ARHGEF10: variants seen among roughly 807,000 people sequenced by gnomAD.
ARHGEF10 encodes the protein Rho guanine nucleotide exchange factor (GEF) 10.
ARHGEF10 carries 140 observed loss-of-function variants against 147.4 expected under a neutral mutation model. That is an observed-to-expected ratio of 0.95 (90% CI 0.83 to 1.09). The LOEUF (loss-of-function observed/expected upper bound fraction) is 1.09, where lower values mean the gene tolerates loss of function less well. Ranked by LOEUF, ARHGEF10 falls within the 50% of genes least tolerant of loss-of-function variation. The pLI is 0.00. For missense variants in ARHGEF10, 2,222 were observed against 1,752.7 expected (o/e 1.27, Z -4.78); for synonymous variants, 902 against 695.8 (o/e 1.30, Z -4.67).
intron 11 of ARHGEF10, among the ~76,000 whole-genome samples, chr8:1,892,837 T>A (rs975536247): frequency 6.6e-6 from 1 of 152,186 alleles, no homozygotes; most frequent in African/African-American, 2.4e-5. Context: ...GGAAGTACAA[T>A]GATCACTAGC....
At chr8:1,893,740 A>G (rs772099422) in intron 12 of ARHGEF10, 94 bp downstream of exon 12, 8 of 1,050,202 alleles carry the variant, frequency 7.6e-6, no homozygotes, top group Non-Finnish European at 1.0e-5. Flanking sequence ...ATATATGTTT[A>G]TGAAACATAA....
chr8:1,847,971 G>C (rs956664382), intron 2 of ARHGEF10, among the ~76,000 whole-genome samples: 1 of 152,154 alleles, frequency 6.6e-6, no homozygotes. Context: ...TCATGGACTT[G>C]GAACAGTCAG....
Position 1,850,529 on chromosome 8 carries a change from T to C in ARHGEF10, c.37+7093T>C, listed in dbSNP as rs538630474. ...CCGCGTGGACACAGATGGCAAATGC[T>C]GAGGAGGGCGTGGGGCAGCTGCGTG... On this transcript the variant is annotated intron_variant, in intron 2 of 28. Coordinates refer to ENST00000349830, the MANE Select transcript of ARHGEF10 (RefSeq NM_014629.4). Among the ~76,000 whole-genome samples the C allele has an allele frequency of 1.9e-3, 279 of 149,736 alleles. 1 individual carries two copies. The highest frequency in any genetic ancestry group is 6.7e-3 in the African/African-American group (271 of 40,340).
chr8:1,849,975 C>T lies in ARHGEF10; in HGVS notation c.37+6539C>T, dbSNP rs1386630363. Among the ~76,000 whole-genome samples, 250 of 109,274 alleles carry T rather than the reference C, an allele frequency of 2.3e-3. 2 individuals are homozygous for T. Among genetic ancestry groups the T allele is most frequent in the African/African-American group, 9.1e-3 (232 of 25,486 alleles). 71.7% of individuals were successfully genotyped at this position (109,274 alleles called of 152,430 possible). On this transcript the variant is annotated intron_variant, in intron 2 of 28. Transcript: ENST00000349830. ...GGCAAATGCTGAGGAGGGCGTGGGCCGGCTGCATGGACACAGAGGGCAAAT... is the reference window on the plus strand; with the variant it reads ...GGCAAATGCTGAGGAGGGCGTGGGCTGGCTGCATGGACACAGAGGGCAAAT...
At chr8:1,954,026 T>C (rs1378044398) in intron 28 of ARHGEF10, among the ~76,000 whole-genome samples, 1 of 152,248 alleles carries the variant, frequency 6.6e-6, no homozygotes, top group Non-Finnish European at 1.5e-5. Context: ...TTTATGTTTT[T>C]ATTATGATAT....
intron 11 of ARHGEF10, among the ~76,000 whole-genome samples, chr8:1,890,539 A>G (rs1361138573): frequency 6.6e-6 from 1 of 150,678 alleles, no homozygotes; most frequent in African/African-American, 2.5e-5. Flanking sequence ...CTGAGGAGAC[A>G]CTGAGTGGGG....
chr8:1,853,124 G>A (rs185436038), intron 2 of ARHGEF10, among the ~76,000 whole-genome samples: 10 of 152,300 alleles, frequency 6.6e-5, no homozygotes, highest in Non-Finnish European at 1.5e-4. Context: ...CTGTGGGTCG[G>A]CACGGGCTGC....
At chr8:1,891,337 T>G (rs1809509513) in intron 11 of ARHGEF10, among the ~76,000 whole-genome samples, 1 of 152,248 alleles carries the variant, frequency 6.6e-6, no homozygotes, top group Non-Finnish European at 1.5e-5. Flanking sequence ...CTTGTTCTCC[T>G]CTAGAATTGA....
rs539260922 is a variant in ARHGEF10, at chr8:1,911,322, C to G, written c.2143+1852C>G. 2.6e-4 allele frequency among the ~76,000 whole-genome samples: 39 copies of G among 152,216 alleles called. 1 individual carries two copies. Among genetic ancestry groups the G allele is most frequent in the African/African-American group, 8.4e-4 (35 of 41,510 alleles). The stretch of plus-strand genomic sequence containing the variant: ...TTTATCACGTCTCTATGGAAAAGCA[C>G]CTAGTTAACCTCAGTGAAACCATTT... On this transcript the variant is annotated intron_variant, in intron 18 of 28. Coordinates refer to ENST00000349830, the MANE Select transcript of ARHGEF10 (RefSeq NM_014629.4).
chr8:1,929,010 C>T (rs1332090284), intron 24 of ARHGEF10, among the ~76,000 whole-genome samples: 1 of 152,126 alleles, frequency 6.6e-6, no homozygotes, highest in East Asian at 1.9e-4. Flanking sequence ...ATTGCTGACA[C>T]CATTTAAAGG....
rs1207564169 is a variant in ARHGEF10 at position 1,948,142 on chromosome 8, C to T, written c.3397+2487C>T. Among the ~76,000 whole-genome samples the T allele has an allele frequency of 6.6e-6, 1 of 152,120 alleles. No individual in the cohort carries two copies. The stretch of plus-strand genomic sequence containing the variant: ...GGATCCATCCCAAGCCCACCACAAG[C>T]CTCTCACTTGGCAGCAGATGCATGG... On this transcript the variant is annotated intron_variant, in intron 27 of 28. Transcript: ENST00000349830. The surrounding 1 kb of genome is among the most constrained non-coding windows in gnomAD (Gnocchi z 4.9).
At chr8:1,926,647 T>A in intron 23 of ARHGEF10, 184 bp downstream of exon 23, 3 of 663,896 alleles carry the variant, frequency 4.5e-6, no homozygotes, top group Non-Finnish European at 8.1e-6. Context: ...AGATTTACAG[T>A]TCTTAGGAAT....
At chr8:1,914,440 C>T (rs2129192544) in intron 18 of ARHGEF10, among the ~76,000 whole-genome samples, 1 of 152,376 alleles carries the variant, frequency 6.6e-6, no homozygotes, top group Non-Finnish European at 1.5e-5. Context: ...CGATGCACTG[C>T]ATGGCCTCGC....
intron 2 of ARHGEF10, among the ~76,000 whole-genome samples, chr8:1,855,734 C>T (rs890967536): frequency 6.6e-6 from 1 of 152,052 alleles, no homozygotes; most frequent in African/African-American, 2.4e-5. Flanking sequence ...GGCATTTAGT[C>T]GGCATTGTTT....
chr8:1,842,451 T>C (rs1804167339), intron 1 of ARHGEF10, among the ~76,000 whole-genome samples: 1 of 152,142 alleles, frequency 6.6e-6, no homozygotes, highest in African/African-American at 2.4e-5. Flanking sequence ...CATTGAATAG[T>C]ACGTGAGGCC....
At chr8:1,884,152 T>C (rs1459358122) in intron 10 of ARHGEF10, among the ~76,000 whole-genome samples, 1 of 152,192 alleles carries the variant, frequency 6.6e-6, no homozygotes, top group Non-Finnish European at 1.5e-5. Context: ...CCAGCATTTT[T>C]GGAGGCCGAG....
At chr8:1,844,031 C>T (rs111637941) in intron 2 of ARHGEF10, among the ~76,000 whole-genome samples, 60 of 152,314 alleles carry the variant, frequency 3.9e-4, no homozygotes, top group African/African-American at 1.3e-3. Flanking sequence ...CACTGACCGA[C>T]GTTTCCATGG....
chr8:1,888,035 G>A (rs1808851296), intron 11 of ARHGEF10, among the ~76,000 whole-genome samples: 1 of 148,176 alleles, frequency 6.7e-6, no homozygotes, highest in South Asian at 2.2e-4. Context: ...ACTGAGTAGG[G>A]TGAGGGTTGT....
chr8:1,863,063 A>T (rs962810701), intron 4 of ARHGEF10, among the ~76,000 whole-genome samples: 1 of 152,074 alleles, frequency 6.6e-6, no homozygotes, highest in African/African-American at 2.4e-5. Context: ...GATTACAGGC[A>T]TGAGCCACCG....
Sources: allele counts gnomAD v4.1 joint callset (sites outside exome capture counted in the v4.1 genomes callset), GRCh38; gene constraint gnomAD v4.1.1; non-coding constraint Gnocchi (gnomAD v3.1); transcripts MANE v1.5; gene names NCBI Gene and HGNC (gene_info 2026-07-23, HGNC 2026-07-21).